The following PTPRD variants were observed in gnomAD, a reference collection of about 807,000 sequenced individuals.
PTPRD encodes the protein protein tyrosine phosphatase receptor type D, also known as receptor-type tyrosine-protein phosphatase delta.
A neutral mutation model predicts 214.5 loss-of-function variants in PTPRD; 34 were observed. That is an observed-to-expected ratio of 0.16 (90% CI 0.12 to 0.21). The LOEUF (loss-of-function observed/expected upper bound fraction) is 0.21, where lower values mean the gene tolerates loss of function less well. Among genes scored for constraint, PTPRD ranks in the 10% least tolerant of loss-of-function variants. The pLI is 1.00. For synonymous variants in PTPRD, 1,128 were observed against 845.7 expected (o/e 1.33, Z -5.79); for missense variants, 2,545 against 2,398.7 (o/e 1.06, Z -1.27).
chr9:9,421,450 G>A (rs981586456), intron 8 of PTPRD, among the ~76,000 whole-genome samples: 1 of 151,950 alleles, frequency 6.6e-6, no homozygotes, highest in South Asian at 2.1e-4. Flanking sequence ...TTCTGAAAAC[G>A]AGTTGTTAAG....
rs112078912 is a variant in PTPRD at position 9,858,723 on chromosome 9, T to C, written c.-368+79784A>G. Among the ~76,000 whole-genome samples the C allele has an allele frequency of 7.4e-4, 113 of 152,296 alleles. 1 individual carries two copies. The highest frequency in any genetic ancestry group is 2.6e-3 in the African/African-American group (108 of 41,572). ...GAAAAATGTATTCTAAAAATCTAGTTAGTATAATCTTATTTTACAGATAGA... is the reference window on the plus strand; with the variant it reads ...GAAAAATGTATTCTAAAAATCTAGTCAGTATAATCTTATTTTACAGATAGA... On this transcript the variant is annotated intron_variant, in intron 5 of 45. Coordinates refer to ENST00000381196, the MANE Select transcript of PTPRD (RefSeq NM_002839.4).
chr9:9,565,942 T>G lies in PTPRD; in HGVS notation c.-237+8790A>C, dbSNP rs533881761. Among the ~76,000 whole-genome samples the G allele has an allele frequency of 4.6e-5, 7 of 152,074 alleles. No homozygotes were observed. The South Asian group carries it at 1.5e-3, about 32-fold the overall frequency. ...TATAGTAGGGAATCTATAATTTCAT[T>G]TTTTTACTCTCTAACAGGCCAGAAG... is the stretch of plus-strand genomic sequence containing the variant. On this transcript the variant is annotated intron_variant, in intron 8 of 45. Transcript: ENST00000381196.
chr9:9,143,233 T>C (rs560480013), intron 10 of PTPRD, among the ~76,000 whole-genome samples: 1 of 152,336 alleles, frequency 6.6e-6, no homozygotes, highest in East Asian at 1.9e-4. Flanking sequence ...ATGCCGAATC[T>C]ATAAAATATT....
At chr9:9,507,745 G>T (rs985792954) in intron 8 of PTPRD, among the ~76,000 whole-genome samples, 1 of 151,346 alleles carries the variant, frequency 6.6e-6, no homozygotes, top group Non-Finnish European at 1.5e-5. Context: ...TAATCTTAGT[G>T]TATGTAACAC....
chr9:9,251,004 A>C (rs1447852951), intron 9 of PTPRD, among the ~76,000 whole-genome samples: 1 of 152,088 alleles, frequency 6.6e-6, no homozygotes. Flanking sequence ...TACATTTGAA[A>C]TTGACCCTCT....
In PTPRD at chr9:10,511,930, A is replaced by ATATATATG. The variant is rs1566639517; in HGVS notation, c.-600+100467_-600+100468insCATATATA. Among the ~76,000 whole-genome samples the ATATATATG allele has an allele frequency of 8.5e-5, 7 of 82,260 alleles. 1 individual carries two copies. The highest frequency in any genetic ancestry group is 7.8e-4 in the East Asian group (2 of 2,576). 54.0% of individuals were successfully genotyped at this position (82,260 alleles called of 152,430 possible). On this transcript the variant is annotated intron_variant, in intron 2 of 45. Coordinates refer to ENST00000381196, the MANE Select transcript of PTPRD (RefSeq NM_002839.4). Reference sequence around the variant, plus strand: ...TATATATATACGTGTATATATATATACGTGTATATATATATACGTGTGTGT... The same window carrying ATATATATG: ...TATATATATACGTGTATATATATATATATATATGCGTGTATATATATATACGTGTGTGT...
intron 12 of PTPRD, among the ~76,000 whole-genome samples, chr9:8,716,153 C>T (rs1389957146): frequency 6.6e-6 from 1 of 152,214 alleles, no homozygotes; most frequent in Non-Finnish European, 1.5e-5. Context: ...AATAACTTGA[C>T]TCCAGAGGAT....
chr9:10,077,817 G>C (rs758072276), intron 3 of PTPRD, among the ~76,000 whole-genome samples: 9 of 148,636 alleles, frequency 6.1e-5, no homozygotes, highest in Non-Finnish European at 1.3e-4. Context: ...TTGCTGCAAA[G>C]GACATGATCT....
chr9:10,509,579 A>ATATATATATATATATATATT (rs1402201904), intron 2 of PTPRD, among the ~76,000 whole-genome samples: 33 of 131,234 alleles, frequency 2.5e-4, no homozygotes, highest in Non-Finnish European at 4.1e-4. Flanking sequence ...ATATATATAT[A>ATATATATATATATATATATT]TTTTACTCAC....
In PTPRD at chr9:10,509,557, T is replaced by TTATA. The variant is rs3076461; in HGVS notation, c.-600+102837_-600+102840dup. 6.2e-3 allele frequency among the ~76,000 whole-genome samples: 661 copies of TTATA among 106,686 alleles called. 30 individuals carry two copies. Among genetic ancestry groups the TTATA allele is most frequent in the Middle Eastern group, 0.016 (3 of 190 alleles). 70.0% of individuals were successfully genotyped at this position (106,686 alleles called of 152,430 possible). A position where few individuals can be genotyped will look rare whatever the true frequency, so the allele number is the denominator to read the frequency against. On this transcript the variant is annotated intron_variant, in intron 2 of 45. Transcript: ENST00000381196. ...TAAATATATTTACATTTAATAAATA[T>TTATA]TATATATATATATATATATATATTT...
rs181686153 is a variant in PTPRD at position 9,853,560 on chromosome 9, T to G, written c.-368+84947A>C. Among the ~76,000 whole-genome samples, 89 of 151,166 alleles carry G rather than the reference T, an allele frequency of 5.9e-4. 2 individuals are homozygous for G. The East Asian group carries it at 0.012, about 21-fold the overall frequency. On this transcript the variant is annotated intron_variant, in intron 5 of 45. Coordinates refer to ENST00000381196, the MANE Select transcript of PTPRD (RefSeq NM_002839.4). ...AAGGGTTTTTTTTGTTGTTTTTTGG[T>G]TTTTTTTTAGATGGAGTGTCACTCT...
intron 9 of PTPRD, among the ~76,000 whole-genome samples, chr9:9,284,521 A>T (rs557809530): frequency 1.3e-5 from 2 of 151,866 alleles, no homozygotes; most frequent in Admixed American, 1.3e-4. Flanking sequence ...CCCACTGGCA[A>T]GGAAATGTCT....
intron 5 of PTPRD, among the ~76,000 whole-genome samples, chr9:9,833,795 A>G (rs189823606): frequency 1.9e-4 from 29 of 152,052 alleles, no homozygotes; most frequent in African/African-American, 6.7e-4. Context: ...GAAAGAAGAG[A>G]AATATGGCTC....
At chr9:8,546,872 C>G (rs1218794190) in intron 14 of PTPRD, among the ~76,000 whole-genome samples, 2 of 152,080 alleles carry the variant, frequency 1.3e-5, no homozygotes, top group African/African-American at 4.8e-5. Flanking sequence ...TCACAGTTTC[C>G]CTCTTTCTCA....
chr9:9,959,391 A>G (rs1315782156), intron 4 of PTPRD, among the ~76,000 whole-genome samples: 1 of 152,126 alleles, frequency 6.6e-6, no homozygotes, highest in Non-Finnish European at 1.5e-5. Flanking sequence ...GAACAGCAAA[A>G]TTATTCCAAG....
intron 10 of PTPRD, among the ~76,000 whole-genome samples, chr9:9,124,842 C>T (rs1288313676): frequency 1.3e-5 from 2 of 152,194 alleles, no homozygotes; most frequent in African/African-American, 4.8e-5. Flanking sequence ...CTATATTACA[C>T]AGATGTTAAA....
chr9:10,567,841 G>A (rs2066107662), intron 2 of PTPRD, among the ~76,000 whole-genome samples: 1 of 151,140 alleles, frequency 6.6e-6, no homozygotes, highest in African/African-American at 2.4e-5. Context: ...TTAAACCATT[G>A]CATTAATTTT....
chr9:8,855,229 A>T (rs754215847), intron 11 of PTPRD, among the ~76,000 whole-genome samples: 13 of 151,994 alleles, frequency 8.6e-5, no homozygotes, highest in Non-Finnish European at 1.8e-4. Flanking sequence ...CTAGTGGCTT[A>T]GCAAATAGCA....
intron 14 of PTPRD, among the ~76,000 whole-genome samples, chr9:8,589,730 C>G (rs577580611): frequency 6.6e-6 from 1 of 152,156 alleles, no homozygotes; most frequent in Non-Finnish European, 1.5e-5. Flanking sequence ...ACGTCTGCCA[C>G]CTCAGAAATC....
Sources: gnomAD v4.1 joint callset for allele counts (sites outside exome capture counted in the v4.1 genomes callset) on GRCh38, gnomAD v4.1.1 for gene constraint, MANE v1.5 for transcripts, NCBI Gene and HGNC (gene_info 2026-07-23, HGNC 2026-07-21) for gene names.